DYDC1: variants seen among roughly 807,000 people sequenced by gnomAD.
The protein encoded by DYDC1 is DPY30 domain-containing protein 1.
A neutral mutation model predicts 27.9 loss-of-function variants in DYDC1; 21 were observed. That is an observed-to-expected ratio of 0.75 (90% CI 0.53 to 1.08). DYDC1 has a LOEUF of 1.08. Ranked by LOEUF, DYDC1 falls within the 50% of genes least tolerant of loss-of-function variation. DYDC1 has a pLI of 0.00. For synonymous variants in DYDC1, 67 were observed against 65.8 expected (o/e 1.02, Z -0.09); for missense variants, 202 against 205.9 (o/e 0.98, Z 0.12).
At chr10:80,338,882 T>A (rs1041880134) in intron 5 of DYDC1, among the ~76,000 whole-genome samples, 3 of 152,192 alleles carry the variant, frequency 2.0e-5, no homozygotes, top group African/African-American at 7.2e-5. Context: ...TTTTTAAAAA[T>A]CCAAACACAA....
At chr10:80,356,129 C>T in intron 1 of DYDC1, 1 of 563,978 alleles carries the variant, frequency 1.8e-6, no homozygotes, top group Non-Finnish European at 2.2e-6. Context: ...GGCTCTGTCT[C>T]GGATTTCTGG....
intron 6 of DYDC1, chr10:80,337,350 C>T (rs1842167352): frequency 2.7e-5 from 27 of 985,470 alleles, no homozygotes; most frequent in Non-Finnish European, 3.3e-5. Context: ...TTTAATAAAA[C>T]TTTAAACAAT....
At chr10:80,354,107 C>T (rs867355504) in intron 1 of DYDC1, among the ~76,000 whole-genome samples, 4 of 145,162 alleles carry the variant, frequency 2.8e-5, no homozygotes, top group Non-Finnish European at 6.0e-5. Context: ...CAGAGTGAGA[C>T]TCTGTCTCAT....
chr10:80,353,627 G>A (rs945753466), intron 1 of DYDC1, among the ~76,000 whole-genome samples: 11 of 150,718 alleles, frequency 7.3e-5, no homozygotes, highest in South Asian at 4.3e-4. Context: ...CGAGGCGGGC[G>A]GATCACAAGG....
intron 3 of DYDC1, among the ~76,000 whole-genome samples, chr10:80,348,612 G>A (rs1006076041): frequency 1.3e-5 from 2 of 152,180 alleles, no homozygotes; most frequent in Non-Finnish European, 2.9e-5. Flanking sequence ...AGGCCTCAAC[G>A]TAAGTGCAAA....
rs1842159592 is a variant in DYDC1, at chr10:80,337,186, G to A, written c.505-1001C>T. On this transcript the variant is annotated intron_variant, in intron 6 of 6. Transcript: ENST00000372202. ...GCTAATTCCTTGAACTTCACCTCCTGAGGAAGACTTGTCCAGCCCAGGTCA... is the reference window on the plus strand; with the variant it reads ...GCTAATTCCTTGAACTTCACCTCCTAAGGAAGACTTGTCCAGCCCAGGTCA... 3 of 985,292 alleles carry A rather than the reference G, an allele frequency of 3.0e-6. No individual in the cohort carries two copies. The South Asian group carries it at 1.4e-4, about 46-fold the overall frequency. The allele number at this position is 985,292 out of a possible 1,614,324, so 61.0% of individuals were successfully genotyped here.
chr10:80,344,318 C>CT (rs1307700735), intron 3 of DYDC1, among the ~76,000 whole-genome samples: 2 of 152,088 alleles, frequency 1.3e-5, no homozygotes, highest in Non-Finnish European at 2.9e-5. Context: ...AAAAAACAAA[C>CT]TTGTCTAAGA....
intron 3 of DYDC1, among the ~76,000 whole-genome samples, chr10:80,345,492 T>C (rs984378569): frequency 6.6e-6 from 1 of 152,180 alleles, no homozygotes; most frequent in African/African-American, 2.4e-5. Context: ...TTGGCTATCA[T>C]CCTCATGCTG....
chr10:80,355,390 G>C (rs937343432), intron 1 of DYDC1, among the ~76,000 whole-genome samples: 1 of 151,896 alleles, frequency 6.6e-6, no homozygotes, highest in African/African-American at 2.4e-5. Flanking sequence ...GTGGTGGGAG[G>C]GCAAAATGGT....
chr10:80,347,537 A>G (rs1842743386), intron 3 of DYDC1, among the ~76,000 whole-genome samples: 1 of 152,170 alleles, frequency 6.6e-6, no homozygotes, highest in African/African-American at 2.4e-5. Flanking sequence ...ACCAATGTCA[A>G]GGAGCTTTTT....
chr10:80,344,562 T>C (rs1481101942), intron 3 of DYDC1, among the ~76,000 whole-genome samples: 7 of 152,352 alleles, frequency 4.6e-5, no homozygotes, highest in South Asian at 2.1e-4. Flanking sequence ...TATGTCCCCA[T>C]TCAATTCTCA....
intron 1 of DYDC1, chr10:80,352,820 TCAAAATCCTGAAGGACTCTCAAGTCCA>T (rs1843084481): frequency 2.2e-6 from 1 of 455,726 alleles, no homozygotes; most frequent in Non-Finnish European, 3.5e-6. Flanking sequence ...TAACATGGTT[TCAAAATCCTGAAGGACTCTCAAGTCCA>T]AGAGTCAGAA....
At chr10:80,345,552 A>G (rs1299788030) in intron 3 of DYDC1, among the ~76,000 whole-genome samples, 2 of 152,110 alleles carry the variant, frequency 1.3e-5, no homozygotes, top group Non-Finnish European at 2.9e-5. Context: ...AATTTTGTAC[A>G]TTTTGACCTA....
chr10:80,336,403 T>A, intron 6 of DYDC1: 1 of 942,632 alleles, frequency 1.1e-6, no homozygotes, highest in Non-Finnish European at 1.3e-6. Context: ...TCTCTTACTA[T>A]GCATTCTCAT....
intron 6 of DYDC1, chr10:80,337,529 G>T: frequency 1.4e-6 from 1 of 704,238 alleles, no homozygotes; most frequent in Non-Finnish European, 1.7e-6. Context: ...GCAAAATGTA[G>T]CTCTCATCAT....
chr10:80,354,155 A>T (rs552889205), intron 1 of DYDC1, among the ~76,000 whole-genome samples: 1 of 149,514 alleles, frequency 6.7e-6, no homozygotes, highest in South Asian at 2.1e-4. Context: ...TTTTTTCCTG[A>T]GAATCTGATG....
At chr10:80,345,867 C>G (rs965764121) in intron 3 of DYDC1, among the ~76,000 whole-genome samples, 1 of 152,054 alleles carries the variant, frequency 6.6e-6, no homozygotes, top group South Asian at 2.1e-4. Flanking sequence ...ATACATCTTA[C>G]GTTTTTTCAA....
Position 80,352,591 on chromosome 10 carries a change from A to G in DYDC1, c.11T>C (p.Ile4Thr), listed in dbSNP as rs375703380. Residue 4 changes from isoleucine (I) to threonine (T), a missense_variant, in exon 2 of 7, where the codon ATA becomes ACA. By Grantham distance (89) the Ile-to-Thr change is moderately conservative. Coordinates refer to ENST00000372202, the MANE Select transcript of DYDC1 (RefSeq NM_001269053.2). ...GGCCCCAAGGTGCTTTTGAAGATAT[A>G]TTGACTCCATTTCTAACTCCTAAAA... Reference protein sequence around the residue: MESIYLQKHLGACL... With the variant: MESTYLQKHLGACL... 1 of 1,601,444 alleles carries G rather than the reference A, an allele frequency of 6.2e-7. No individual in the cohort carries two copies. Among genetic ancestry groups the G allele is most frequent in the East Asian group, 2.2e-5 (1 of 44,758 alleles).
chr10:80,349,094 C>A (rs370256744), intron 3 of DYDC1, among the ~76,000 whole-genome samples: 5 of 152,182 alleles, frequency 3.3e-5, no homozygotes, highest in Middle Eastern at 6.8e-3. Flanking sequence ...GGTTTCACCG[C>A]GTTCGCCAGG....
Sources: gnomAD v4.1 joint callset for allele counts (sites outside exome capture counted in the v4.1 genomes callset) on GRCh38, gnomAD v4.1.1 for gene constraint, MANE v1.5 for transcripts, NCBI Gene and HGNC (gene_info 2026-07-23, HGNC 2026-07-21) for gene names.